The following ENTREP2 variants were observed in gnomAD, a reference collection of about 807,000 sequenced individuals.
ENTREP2 encodes protein ENTREP2.
At chr15:29,132,115 T>G in the ENTREP2 span, among the ~76,000 whole-genome samples, 1 of 152,110 alleles carries the variant, frequency 6.6e-6, no homozygotes, top group Non-Finnish European at 1.5e-5. Context: ...CCTCCTCTCT[T>G]TATCCAAACT....
At chr15:29,213,281 T>C in the ENTREP2 span, among the ~76,000 whole-genome samples, 1 of 152,160 alleles carries the variant, frequency 6.6e-6, no homozygotes, top group Admixed American at 6.6e-5. Flanking sequence ...CGGGCTCTTT[T>C]TTGGTTCCAT....
chr15:29,153,506 C>T, the ENTREP2 span, among the ~76,000 whole-genome samples: 1 of 152,148 alleles, frequency 6.6e-6, no homozygotes, highest in Non-Finnish European at 1.5e-5. Flanking sequence ...GTATTAATCC[C>T]ATCATGTGGA....
At chr15:29,361,651 C>T in the ENTREP2 span, among the ~76,000 whole-genome samples, 39 of 152,260 alleles carry the variant, frequency 2.6e-4, 1 homozygote, top group South Asian at 1.2e-3. Flanking sequence ...TTCATTACTG[C>T]GGCACAACAG....
chr15:29,240,329 C>T, the ENTREP2 span, among the ~76,000 whole-genome samples: 3 of 151,272 alleles, frequency 2.0e-5, no homozygotes, highest in Admixed American at 1.3e-4. Flanking sequence ...GCACCATTCA[C>T]TCCAGCCTGA....
the ENTREP2 span, among the ~76,000 whole-genome samples, chr15:29,244,406 T>TA: frequency 6.6e-6 from 1 of 152,220 alleles, no homozygotes; most frequent in African/African-American, 2.4e-5. Flanking sequence ...ATTCCAGTGT[T>TA]AGTCAACCTT....
chr15:29,240,916 A>C, the ENTREP2 span, among the ~76,000 whole-genome samples: 1 of 152,222 alleles, frequency 6.6e-6, no homozygotes, highest in African/African-American at 2.4e-5. Flanking sequence ...CATCATCATC[A>C]TGATCATCAT....
At chr15:29,632,510 G>A in the ENTREP2 span, among the ~76,000 whole-genome samples, 68 of 152,088 alleles carry the variant, frequency 4.5e-4, no homozygotes, top group Non-Finnish European at 7.8e-4. Context: ...GGCCAGGCAC[G>A]GTGGCTCATG....
At chr15:29,380,973 T>A in the ENTREP2 span, among the ~76,000 whole-genome samples, 9 of 151,236 alleles carry the variant, frequency 6.0e-5, no homozygotes, top group African/African-American at 2.2e-4. Context: ...TGCCTCAGTC[T>A]CCCCAGTAGC....
the ENTREP2 span, among the ~76,000 whole-genome samples, chr15:29,322,144 C>T: frequency 6.6e-6 from 1 of 151,886 alleles, no homozygotes; most frequent in Non-Finnish European, 1.5e-5. Context: ...TGAATATAAA[C>T]TTATTTTTTA....
At chr15:29,450,816 T>TTC in the ENTREP2 span, among the ~76,000 whole-genome samples, 1 of 152,126 alleles carries the variant, frequency 6.6e-6, no homozygotes, top group East Asian at 1.9e-4. Flanking sequence ...CAAAGGAACA[T>TTC]AGATGGCCAT....
At chr15:29,567,266 C>A in the ENTREP2 span, among the ~76,000 whole-genome samples, 2 of 152,142 alleles carry the variant, frequency 1.3e-5, no homozygotes, top group Non-Finnish European at 2.9e-5. Context: ...CTTGCCGAGT[C>A]CTCCCCTTTC....
chr15:29,521,314 T>A, the ENTREP2 span, among the ~76,000 whole-genome samples: 1 of 152,174 alleles, frequency 6.6e-6, no homozygotes, highest in Non-Finnish European at 1.5e-5. Flanking sequence ...CGCACAGAAA[T>A]TCAAAGGATA....
the ENTREP2 span, among the ~76,000 whole-genome samples, chr15:29,216,702 C>A: frequency 6.6e-6 from 1 of 152,130 alleles, no homozygotes; most frequent in Admixed American, 6.5e-5. Context: ...TAGCTTTCTT[C>A]TTCCTATTGA....
At chr15:29,268,684 C>T in the ENTREP2 span, 9 of 1,093,644 alleles carry the variant, frequency 8.2e-6, no homozygotes, top group Non-Finnish European at 1.0e-5. Context: ...CACATTGAAG[C>T]GTTTACAGCA....
At chr15:29,490,047 T>A in the ENTREP2 span, among the ~76,000 whole-genome samples, 1 of 152,242 alleles carries the variant, frequency 6.6e-6, no homozygotes, top group Non-Finnish European at 1.5e-5. Context: ...AAATGAATTA[T>A]ATAGTCAAAG....
chr15:29,335,456 TAGTC>T, the ENTREP2 span, among the ~76,000 whole-genome samples: 13 of 152,160 alleles, frequency 8.5e-5, no homozygotes, highest in African/African-American at 1.7e-4. Context: ...AATGGAGACT[TAGTC>T]AGGGTGAACA....
At chr15:29,263,487 GC>G in the ENTREP2 span, among the ~76,000 whole-genome samples, 681 of 152,360 alleles carry the variant, frequency 4.5e-3, 4 homozygotes, top group African/African-American at 0.015. Context: ...GGACATTGGA[GC>G]CCACGTGGGA....
At chr15:29,224,060 T>C in the ENTREP2 span, among the ~76,000 whole-genome samples, 2 of 152,192 alleles carry the variant, frequency 1.3e-5, no homozygotes, top group African/African-American at 4.8e-5. Context: ...CACTGAGTGT[T>C]ACAGTTCTTA....
chr15:29,341,033 C>T, the ENTREP2 span, among the ~76,000 whole-genome samples: 1 of 152,232 alleles, frequency 6.6e-6, no homozygotes, highest in South Asian at 2.1e-4. Flanking sequence ...CCATCTCACA[C>T]TATCACTCCC....
Sources: allele counts gnomAD v4.1 joint callset (sites outside exome capture counted in the v4.1 genomes callset), GRCh38; gene constraint gnomAD v4.1.1; transcripts MANE v1.5; gene names NCBI Gene and HGNC (gene_info 2026-07-23, HGNC 2026-07-21).